The following LAPTM5 variants were observed in gnomAD, a reference collection of about 807,000 sequenced individuals.
The protein encoded by LAPTM5 is lysosomal-associated transmembrane protein 5.
LAPTM5 carries 11 observed loss-of-function variants against 30.1 expected under a neutral mutation model. The ratio of observed to expected loss-of-function variants is 0.37; its 90% CI spans 0.23 to 0.60. The LOEUF is 0.60. Among genes scored for constraint, LAPTM5 ranks in the 20% least tolerant of loss-of-function variants. The pLI is 0.71. For missense variants in LAPTM5, 324 were observed against 332.5 expected, an observed-to-expected ratio of 0.97 and a Z score of 0.20; for synonymous variants, 151 against 137.9, an observed-to-expected ratio of 1.10 and a Z score of -0.67.
chr1:30,739,731 C>G lies in LAPTM5; in HGVS notation c.387+78G>C. 6.8e-7 allele frequency: 1 copy of G among 1,464,804 alleles called. No individual in the cohort carries two copies. The highest frequency in any genetic ancestry group is 1.4e-5 in the South Asian group (1 of 70,704). The allele number at this position is 1,464,804 out of a possible 1,614,324, so 90.7% of individuals were successfully genotyped here. The stretch of plus-strand genomic sequence containing the variant: ...ACCCTCCCCAGCCTGAGCACAGGGC[C>G]CGTGTCTGGTCCCCTCCCATCTCCC... On this transcript the variant is annotated intron_variant, in intron 4 of 7. Coordinates refer to ENST00000294507, the MANE Select transcript of LAPTM5 (RefSeq NM_006762.3). The surrounding 1 kb of genome is among the most constrained non-coding windows in gnomAD (Gnocchi z 4.2).
At chr1:30,748,068 C>G (rs957409513) in intron 1 of LAPTM5, among the ~76,000 whole-genome samples, 1 of 152,086 alleles carries the variant, frequency 6.6e-6, no homozygotes, top group Non-Finnish European at 1.5e-5. Flanking sequence ...CACTCTCTCT[C>G]ACTCCCTGAG....
Position 30,733,618 on chromosome 1 carries a change from C to G in LAPTM5, c.*210G>C, listed in dbSNP as rs530563188. 2 of 1,530,854 alleles carry G rather than the reference C, an allele frequency of 1.3e-6. No homozygotes were observed. Among genetic ancestry groups the G allele is most frequent in the Non-Finnish European group, 1.7e-6 (2 of 1,144,278 alleles). 94.8% of individuals were successfully genotyped at this position (1,530,854 alleles called of 1,614,324 possible). On this transcript the variant is annotated 3_prime_UTR_variant, in exon 8 of 8. Coordinates refer to ENST00000294507, the MANE Select transcript of LAPTM5 (RefSeq NM_006762.3). ...TGTTGGGCTGAATTATGGAGAGACC[C>G]GAGGAGTGACTCAGCCTAAAGCGTT...
chr1:30,749,525 C>A (rs1033663315), intron 1 of LAPTM5, among the ~76,000 whole-genome samples: 2 of 152,174 alleles, frequency 1.3e-5, no homozygotes, highest in African/African-American at 4.8e-5. Context: ...GATTGGCTGG[C>A]ACCTCCTGTG....
intron 1 of LAPTM5, among the ~76,000 whole-genome samples, chr1:30,748,086 A>G (rs1389463878): frequency 6.6e-6 from 1 of 152,036 alleles, no homozygotes; most frequent in Non-Finnish European, 1.5e-5. Flanking sequence ...GAGGCCCAGG[A>G]CCCACCGTCT....
In LAPTM5 at chr1:30,738,977, A is replaced by G; in HGVS notation, c.473T>C (p.Val158Ala). ...GGACTTGAAGTTGAGATAGGTGGGC[A>G]CTTCCATGTAGGAGCTGCAGAGGGT... ...ILTLCSSYME[V>A]PTYLNFKSMN... is the part of the protein sequence containing the mutation. The change falls in exon 5 of 8, where the codon GTG (valine) becomes GCG (alanine). Residue 158 changes from valine (V) to alanine (A), a missense_variant. By Grantham distance (64) the Val-to-Ala change is moderately conservative (BLOSUM62 0). Coordinates refer to ENST00000294507, the MANE Select transcript of LAPTM5 (RefSeq NM_006762.3). 6.2e-7 allele frequency: 1 copy of G among 1,608,152 alleles called. No individual in the cohort carries two copies. The highest frequency in any genetic ancestry group is 8.5e-7 in the Non-Finnish European group (1 of 1,177,780).
rs556803927 is a variant in LAPTM5 at position 30,739,456 on chromosome 1, G to A, written c.387+353C>T. The stretch of plus-strand genomic sequence containing the variant: ...TTCCTTTCTTCAACTTGGTTCCAAA[G>A]AAGAAATAATACTGGGGGCTGGGGG... On this transcript the variant is annotated intron_variant, in intron 4 of 7. Transcript: ENST00000294507. This position sits in a 1 kb window ranked among gnomAD's most constrained non-coding sequence, Gnocchi z 4.2. Among the ~76,000 whole-genome samples the A allele has an allele frequency of 1.3e-5, 2 of 152,298 alleles. No individual in the cohort carries two copies. Among genetic ancestry groups the A allele is most frequent in the Non-Finnish European group, 2.9e-5 (2 of 68,034 alleles).
At chr1:30,734,843 C>G (rs144076860) in intron 7 of LAPTM5, among the ~76,000 whole-genome samples, 1 of 152,220 alleles carries the variant, frequency 6.6e-6, no homozygotes, top group African/African-American at 2.4e-5. Flanking sequence ...TTCCTCTGTG[C>G]TTATTGTCCC....
At chr1:30,742,426 C>G (rs750272905) in intron 2 of LAPTM5, 30 bp downstream of exon 2, 1 of 1,546,624 alleles carries the variant, frequency 6.5e-7, no homozygotes, top group Non-Finnish European at 8.9e-7. Context: ...CTCCTCCCCC[C>G]GCCACTCCAC....
At position 30,733,903 on chromosome 1, in the gene LAPTM5, G is replaced by A. The variant is rs771232239; in HGVS notation, c.714C>T (p.Ser238=). The change falls in exon 8 of 8, where the codon TCC becomes TCT. Residue 238 remains serine (S), a synonymous_variant. Transcript: ENST00000294507. The part of the protein sequence containing the change: ...SKMLQKVVLP[S]YEEALSLPSK... ...ATGGCAAAGACAGGGCTTCCTCGTA[G>A]GACGGCAGGACCACCTGGGAGAGAC... 4 of 1,611,310 alleles carry A rather than the reference G, an allele frequency of 2.5e-6. No individual in the cohort carries two copies. The highest frequency in any genetic ancestry group is 2.5e-6 in the Non-Finnish European group (3 of 1,179,448).
At chr1:30,748,187 C>T (rs1258645489) in intron 1 of LAPTM5, among the ~76,000 whole-genome samples, 3 of 152,192 alleles carry the variant, frequency 2.0e-5, no homozygotes, top group East Asian at 1.9e-4. Flanking sequence ...AGCACACACC[C>T]GTGCCAGCCA....
rs1033240107 is a variant in LAPTM5 at position 30,757,639 on chromosome 1, C to T, written c.87+20G>A. ...TCACACAAGCACGCACGCACACACA[C>T]CCGGGGCCCGCACACTCACCACATG... is the stretch of plus-strand genomic sequence containing the variant. On this transcript the variant is annotated intron_variant, in intron 1 of 7. Coordinates refer to ENST00000294507, the MANE Select transcript of LAPTM5 (RefSeq NM_006762.3). 3 of 1,610,996 alleles carry T rather than the reference C, an allele frequency of 1.9e-6. No individual in the cohort carries two copies. The African/African-American group carries it at 4.0e-5, about 22-fold the overall frequency.
In LAPTM5 at chr1:30,737,683, T is replaced by C. The variant is rs1355357152; in HGVS notation, c.527A>G (p.Gln176Arg). ...GAACTGGTTATGAGGCATATCCTCC[T>C]GGCTGGGGAGGTAATTCTGCAACAG... is the stretch of plus-strand genomic sequence containing the variant. Reference protein sequence around the residue: ...SMNHMNYLPSQEDMPHNQFIK... With the variant: ...SMNHMNYLPSREDMPHNQFIK... The change falls in exon 6 of 8, where the codon CAG (glutamine) becomes CGG (arginine). Residue 176 changes from glutamine to arginine, a missense_variant. Transcript: ENST00000294507. 2.5e-6 allele frequency: 4 copies of C among 1,612,878 alleles called. No homozygotes were observed. The highest frequency in any genetic ancestry group is 1.7e-5 in the Admixed American group (1 of 59,926).
At chr1:30,738,747 G>A (rs1041479974) in intron 5 of LAPTM5, among the ~76,000 whole-genome samples, 193 bp downstream of exon 5, 4 of 152,048 alleles carry the variant, frequency 2.6e-5, no homozygotes, top group South Asian at 2.1e-4. Context: ...TCCTTTTCTC[G>A]AACCTGCCTT....
Position 30,739,002 on chromosome 1 carries a change from T to A in LAPTM5, c.448A>T (p.Thr150Ser). The A allele has an allele frequency of 1.2e-6, 2 of 1,607,226 alleles. No individual in the cohort carries two copies. Among genetic ancestry groups the A allele is most frequent in the Non-Finnish European group, 1.7e-6 (2 of 1,177,138 alleles). ...ACTTCCATGTAGGAGCTGCAGAGGG[T>A]CAGGATGCTCAGGCAGAAGTCCAGC... ...QLLDFCLSIL[T>S]LCSSYMEVPT... Residue 150 changes from threonine to serine, a missense_variant, in exon 5 of 8, where the codon ACC becomes TCC. By Grantham distance (58) the Thr-to-Ser change is moderately conservative (BLOSUM62 1). Transcript: ENST00000294507. The surrounding 1 kb of genome is among the most constrained non-coding windows in gnomAD (Gnocchi z 4.2).
chr1:30,757,522 G>C (rs1040870906), intron 1 of LAPTM5, 137 bp downstream of exon 1: 1 of 888,312 alleles, frequency 1.1e-6, no homozygotes, highest in Non-Finnish European at 1.8e-6. Flanking sequence ...AGCAGGACAG[G>C]GATTTGCCCA....
chr1:30,745,750 T>C (rs1164795286), intron 1 of LAPTM5, among the ~76,000 whole-genome samples: 1 of 152,222 alleles, frequency 6.6e-6, no homozygotes, highest in East Asian at 1.9e-4. Flanking sequence ...CAGGCACCCA[T>C]GTGGCTCTCT....
chr1:30,754,103 G>A (rs1461562610), intron 1 of LAPTM5, among the ~76,000 whole-genome samples: 1 of 152,202 alleles, frequency 6.6e-6, no homozygotes, highest in East Asian at 1.9e-4. Context: ...GGAATTCCGG[G>A]CACTCTGGGG....
chr1:30,750,024 G>A (rs1031345216), intron 1 of LAPTM5, among the ~76,000 whole-genome samples: 8 of 152,182 alleles, frequency 5.3e-5, no homozygotes, highest in East Asian at 1.9e-4. Context: ...CTCAGATGGC[G>A]CTGGAGGAGG....
chr1:30,739,572 G>A lies in LAPTM5; in HGVS notation c.387+237C>T, dbSNP rs1468980275. On this transcript the variant is annotated intron_variant, in intron 4 of 7. Coordinates refer to ENST00000294507, the MANE Select transcript of LAPTM5 (RefSeq NM_006762.3). This position sits in a 1 kb window ranked among gnomAD's most constrained non-coding sequence, Gnocchi z 4.2. Reference sequence around the variant, plus strand: ...ACCATGGGCTGCACCCCCAATGTGTGTGTTCCTCATGTAACCCTCATAAGG... The same window carrying A: ...ACCATGGGCTGCACCCCCAATGTGTATGTTCCTCATGTAACCCTCATAAGG... Among the ~76,000 whole-genome samples the A allele has an allele frequency of 1.3e-5, 2 of 152,218 alleles. No individual in the cohort carries two copies. The highest frequency in any genetic ancestry group is 2.9e-5 in the Non-Finnish European group (2 of 68,034).
Sources: allele counts gnomAD v4.1 joint callset (sites outside exome capture counted in the v4.1 genomes callset), GRCh38; gene constraint gnomAD v4.1.1; non-coding constraint Gnocchi (gnomAD v3.1); transcripts MANE v1.5; gene names NCBI Gene and HGNC (gene_info 2026-07-23, HGNC 2026-07-21).